PAMR1: variants seen among roughly 807,000 people sequenced by gnomAD.
PAMR1 encodes inactive serine protease PAMR1.
A neutral mutation model predicts 81.8 loss-of-function variants in PAMR1; 88 were observed. The ratio of observed to expected loss-of-function variants is 1.08; its 90% CI spans 0.91 to 1.28. The LOEUF is 1.28. Ranked by LOEUF, PAMR1 falls within the 50% of genes most tolerant of loss-of-function variation. PAMR1 has a pLI of 0.00. For missense variants in PAMR1, 935 were observed against 919.7 expected (o/e 1.02, Z -0.21); for synonymous variants, 336 against 345.3 (o/e 0.97, Z 0.30).
intron 6 of PAMR1, among the ~76,000 whole-genome samples, chr11:35,458,050 C>T (rs940154251): frequency 6.6e-6 from 1 of 152,152 alleles, no homozygotes. Context: ...GGTTAGCATG[C>T]ACAGAAATGG....
At position 35,514,551 on chromosome 11, in the gene PAMR1, C is replaced by T. The variant is rs76266105; in HGVS notation, c.73+10962G>A. Among the ~76,000 whole-genome samples the T allele has an allele frequency of 9.8e-4, 150 of 152,352 alleles. 1 individual carries two copies. In the East Asian group the frequency reaches 0.014, roughly 15 times the overall value. On this transcript the variant is annotated intron_variant, in intron 1 of 10. Transcript: ENST00000619888. ...AGGAGCTTGAAGGTGCCCCCAGTTGCCATTATCCTCAACAACTGTGGTGCT... is the reference window on the plus strand; with the variant it reads ...AGGAGCTTGAAGGTGCCCCCAGTTGTCATTATCCTCAACAACTGTGGTGCT...
In PAMR1 at chr11:35,504,671, G is replaced by T. The variant is rs146383548; in HGVS notation, c.74-10399C>A. Among the ~76,000 whole-genome samples, 442 of 152,062 alleles carry T rather than the reference G, an allele frequency of 2.9e-3. 2 individuals carry two copies. The highest frequency in any genetic ancestry group is 6.8e-3 in the Middle Eastern group (2 of 294). On this transcript the variant is annotated intron_variant, in intron 1 of 10. Transcript: ENST00000619888. ...AGGTTTTCCAATTTGTTGGATTATA[G>T]TTGTTCATAATAGTCTCTAATAATT...
At chr11:35,457,997 G>A (rs1157191271) in intron 6 of PAMR1, among the ~76,000 whole-genome samples, 2 of 152,144 alleles carry the variant, frequency 1.3e-5, no homozygotes, top group African/African-American at 4.8e-5. Context: ...GCCAAAGAAA[G>A]CCTCAGACAG....
chr11:35,480,918 T>C (rs1364657063), intron 3 of PAMR1, among the ~76,000 whole-genome samples: 1 of 152,186 alleles, frequency 6.6e-6, no homozygotes, highest in East Asian at 1.9e-4. Context: ...TGTATTCTCA[T>C]TGTTCAGCTC....
rs113603790 is a variant in PAMR1, at chr11:35,467,760, A to G, written c.820+241T>C. Among the ~76,000 whole-genome samples the G allele has an allele frequency of 8.1e-3, 1,231 of 152,278 alleles. 16 individuals are homozygous for G. Among genetic ancestry groups the G allele is most frequent in the African/African-American group, 0.028 (1,177 of 41,538 alleles). ...TACTAGAGGCCATTGTATCTTTCTA[A>G]GAGGTATTTGCAGCAAGTGAGGGTT... On this transcript the variant is annotated intron_variant, in intron 6 of 10. Transcript: ENST00000619888.
intron 3 of PAMR1, among the ~76,000 whole-genome samples, chr11:35,487,556 G>A (rs1280386494): frequency 1.3e-5 from 2 of 152,208 alleles, no homozygotes; most frequent in East Asian, 1.9e-4. Flanking sequence ...CTCTGGCTTC[G>A]ACTGGGTCCT....
chr11:35,462,195 T>G (rs1156639161), intron 6 of PAMR1, among the ~76,000 whole-genome samples: 2 of 152,212 alleles, frequency 1.3e-5, no homozygotes, highest in African/African-American at 2.4e-5. Context: ...CCAGATAACA[T>G]GATGCTTTGA....
intron 10 of PAMR1, 69 bp from the exon 11 acceptor site, chr11:35,432,961 T>C (rs1485609256): frequency 7.2e-7 from 1 of 1,396,792 alleles, no homozygotes. Context: ...CAGACAAGGC[T>C]TGGAGCTAAA....
chr11:35,516,242 G>T (rs970926775), intron 1 of PAMR1, among the ~76,000 whole-genome samples: 1 of 152,162 alleles, frequency 6.6e-6, no homozygotes, highest in Non-Finnish European at 1.5e-5. Flanking sequence ...TTCAAACCCT[G>T]ATCAGTGTTT....
chr11:35,478,726 G>A (rs1850326937), intron 3 of PAMR1, among the ~76,000 whole-genome samples: 1 of 152,182 alleles, frequency 6.6e-6, no homozygotes, highest in Non-Finnish European at 1.5e-5. Context: ...GGCCAACCTA[G>A]CAGGTGGTCC....
chr11:35,499,443 T>C (rs1850789944), intron 1 of PAMR1, among the ~76,000 whole-genome samples: 2 of 152,096 alleles, frequency 1.3e-5, no homozygotes, highest in Non-Finnish European at 2.9e-5. Context: ...TACTAATAAC[T>C]CAAGGGAGGA....
chr11:35,517,998 T>C (rs72924869), intron 1 of PAMR1, among the ~76,000 whole-genome samples: 7,114 of 152,314 alleles, frequency 0.047, 239 homozygotes, highest in Non-Finnish European at 0.066. Flanking sequence ...GAGGAATCCA[T>C]TGGGTCCATT....
rs535371394 is a variant in PAMR1 at position 35,505,991 on chromosome 11, C to T, written c.74-11719G>A. Among the ~76,000 whole-genome samples, 70 of 151,634 alleles carry T rather than the reference C, an allele frequency of 4.6e-4. 1 individual carries two copies. The South Asian group carries it at 0.013, about 27-fold the overall frequency. ...TATTCTCGGGTAGTATGTTTGAATTCATTGCTTTTTATTTTTACTGTATCT... is the reference window on the plus strand; with the variant it reads ...TATTCTCGGGTAGTATGTTTGAATTTATTGCTTTTTATTTTTACTGTATCT... On this transcript the variant is annotated intron_variant, in intron 1 of 10. Coordinates refer to ENST00000619888, the MANE Select transcript of PAMR1 (RefSeq NM_001001991.3).
chr11:35,434,486 G>A (rs748457467), intron 10 of PAMR1, 26 bp downstream of exon 10: 3 of 1,597,912 alleles, frequency 1.9e-6, no homozygotes, highest in Non-Finnish European at 1.7e-6. Flanking sequence ...CAGAGCCCCA[G>A]CTTCCAAGTG....
At chr11:35,479,123 T>G (rs776808105) in intron 3 of PAMR1, among the ~76,000 whole-genome samples, 2 of 152,190 alleles carry the variant, frequency 1.3e-5, no homozygotes, top group Non-Finnish European at 2.9e-5. Context: ...GGGAGGGGAT[T>G]GTGGGAGAGA....
In PAMR1 at chr11:35,434,572, A is replaced by T. The variant is rs1855990803; in HGVS notation, c.1566T>A (p.Val522=). 1 of 1,613,978 alleles carries T rather than the reference A, an allele frequency of 6.2e-7. No individual in the cohort carries two copies. Among genetic ancestry groups the T allele is most frequent in the African/African-American group, 1.3e-5 (1 of 74,976 alleles). The change falls in exon 10 of 11, where the codon GTT becomes GTA. Residue 522 remains valine (V), a synonymous_variant. Transcript: ENST00000619888. ...VTMIKTADLK[V]VLGKFYRDDD... is the part of the protein sequence containing the mutation. ...CATCCCGGTAGAATTTCCCCAAAAC[A>T]ACTTTCAGGTCTGCTGTCTTGATCA... is the stretch of plus-strand genomic sequence containing the variant.
Position 35,432,227 on chromosome 11 carries a change from T to C in PAMR1, c.*129A>G. The C allele has an allele frequency of 3.6e-6, 3 of 828,226 alleles. No homozygotes were observed. The highest frequency in any genetic ancestry group is 5.7e-6 in the Non-Finnish European group (3 of 529,036). The allele number at this position is 828,226 out of a possible 1,614,324, so 51.3% of individuals were successfully genotyped here. A position where few individuals can be genotyped will look rare whatever the true frequency, so the allele number is the denominator to read the frequency against. The stretch of plus-strand genomic sequence containing the variant: ...CTCACCCTTCACTGAGTTTTGTCCC[T>C]GAAGTCAGAAGCCCTGGCACAGCCA... On this transcript the variant is annotated 3_prime_UTR_variant, in exon 11 of 11. Coordinates refer to ENST00000619888, the MANE Select transcript of PAMR1 (RefSeq NM_001001991.3).
intron 1 of PAMR1, among the ~76,000 whole-genome samples, chr11:35,505,613 C>T (rs1357058842): frequency 6.6e-6 from 1 of 152,080 alleles, no homozygotes; most frequent in African/African-American, 2.4e-5. Flanking sequence ...TAGTGACCTT[C>T]TTTGTCTCTT....
chr11:35,488,197 CTTT>C (rs35884320), intron 3 of PAMR1, among the ~76,000 whole-genome samples: 2,871 of 88,050 alleles, frequency 0.033, 112 homozygotes, highest in African/African-American at 0.11. Flanking sequence ...CCTTTCCCAT[CTTT>C]TTTTTTTTTT....
Sources: gnomAD v4.1 joint callset for allele counts (sites outside exome capture counted in the v4.1 genomes callset) on GRCh38, gnomAD v4.1.1 for gene constraint, MANE v1.5 for transcripts, NCBI Gene and HGNC (gene_info 2026-07-23, HGNC 2026-07-21) for gene names.